The following PAH variants were observed in gnomAD, a reference collection of about 807,000 sequenced individuals.
PAH encodes the protein phenylalanine-4-hydroxylase.
In PAH, 64 loss-of-function variants were observed where a neutral mutation model predicts 62.0. The ratio of observed to expected loss-of-function variants is 1.03; its 90% CI spans 0.84 to 1.27. The LOEUF is 1.27. PAH is among the 50% of genes most tolerant of loss of function. PAH has a pLI of 0.00. For synonymous variants in PAH, 195 were observed against 196.2 expected, an observed-to-expected ratio of 0.99 and a Z score of 0.05; for missense variants, 579 against 542.8, an observed-to-expected ratio of 1.07 and a Z score of -0.66.
chr12:102,900,439 G>T (rs1877706923), intron 2 of PAH, among the ~76,000 whole-genome samples: 1 of 151,864 alleles, frequency 6.6e-6, no homozygotes. Flanking sequence ...ATAGATATAG[G>T]TATGGGATTA....
intron 3 of PAH, among the ~76,000 whole-genome samples, chr12:102,882,273 T>G (rs891672362): frequency 6.6e-6 from 1 of 152,138 alleles, no homozygotes; most frequent in Admixed American, 6.5e-5. Context: ...TAGTCCAGAG[T>G]TGGTTTCCTA....
At chr12:102,933,750 A>C (rs1027713342) in intron 1 of PAH, among the ~76,000 whole-genome samples, 1 of 152,074 alleles carries the variant, frequency 6.6e-6, no homozygotes, top group African/African-American at 2.4e-5. Flanking sequence ...TTTTCTTTTC[A>C]CAATGCTTAT....
intron 1 of PAH, among the ~76,000 whole-genome samples, chr12:102,931,230 G>C (rs948675286): frequency 1.3e-5 from 2 of 151,940 alleles, no homozygotes; most frequent in Admixed American, 6.6e-5. Context: ...TCCTTAAATA[G>C]AGCCCCAAAG....
upstream of PAH, chr12:102,953,524 A>C (rs145329998): frequency 5.9e-5 from 9 of 152,338 alleles, no homozygotes; most frequent in African/African-American, 2.2e-4. Flanking sequence ...AGGTGGCAGG[A>C]GACTCAGGGC....
chr12:102,855,421 A>T (rs1875382416), intron 5 of PAH, 89 bp from the exon 6 acceptor site: 1 of 971,990 alleles, frequency 1.0e-6, no homozygotes, highest in Non-Finnish European at 1.6e-6. Flanking sequence ...CGGGGACCAG[A>T]ACCTGTGAGC....
chr12:102,885,548 T>A (rs1877001357), intron 3 of PAH, among the ~76,000 whole-genome samples: 2 of 152,124 alleles, frequency 1.3e-5, no homozygotes, highest in Admixed American at 6.5e-5. Context: ...TAAATATTGA[T>A]TTGGCTCCAA....
At chr12:102,947,317 C>A (rs1183051414) in intron 1 of PAH, among the ~76,000 whole-genome samples, 2 of 151,928 alleles carry the variant, frequency 1.3e-5, no homozygotes, top group Non-Finnish European at 2.9e-5. Context: ...TGGTGCTAAA[C>A]CCTGAAATAT....
At chr12:102,905,666 T>C (rs1363223529) in intron 2 of PAH, among the ~76,000 whole-genome samples, 3 of 152,054 alleles carry the variant, frequency 2.0e-5, no homozygotes, top group African/African-American at 7.2e-5. Context: ...CAGTATGGCA[T>C]CGCTGACTCC....
At chr12:102,854,954 G>C in intron 6 of PAH, 182 bp downstream of exon 6, 1 of 676,994 alleles carries the variant, frequency 1.5e-6, no homozygotes, top group Non-Finnish European at 2.7e-6. Flanking sequence ...AAACACAGTA[G>C]GGGCTGGAGG....
chr12:102,934,011 T>A (rs1879009574), intron 1 of PAH, among the ~76,000 whole-genome samples: 1 of 152,114 alleles, frequency 6.6e-6, no homozygotes, highest in African/African-American at 2.4e-5. Context: ...CAAGAGATCT[T>A]TGCCCAGTTC....
At chr12:102,918,999 T>C (rs1444411658), upstream of PAH, among the ~76,000 whole-genome samples, 1 of 152,166 alleles carries the variant, frequency 6.6e-6, no homozygotes, top group Non-Finnish European at 1.5e-5. Context: ...ATCTACTTAT[T>C]TGCATGCACA....
intron 5 of PAH, among the ~76,000 whole-genome samples, chr12:102,866,086 A>G (rs1252044610): frequency 6.6e-6 from 1 of 151,886 alleles, no homozygotes; most frequent in Non-Finnish European, 1.5e-5. Flanking sequence ...CAGACAGGAA[A>G]AAAAAAAAAC....
chr12:102,885,315 A>G (rs1466556827), intron 3 of PAH, among the ~76,000 whole-genome samples: 2 of 152,224 alleles, frequency 1.3e-5, no homozygotes, highest in Non-Finnish European at 2.9e-5. Flanking sequence ...AGCTGGAAAT[A>G]GAGACTGACC....
chr12:102,917,200 G>T lies in PAH; in HGVS notation c.-70C>A. ...GTACAGGCAGGTTTGCAAACAGCAC[G>T]TGGGGCTGAAGGTTTTAACCTCGCA... is the stretch of plus-strand genomic sequence containing the variant. On this transcript the variant is annotated 5_prime_UTR_variant, in exon 1 of 13. Coordinates refer to ENST00000553106, the MANE Select transcript of PAH (RefSeq NM_000277.3). 7.1e-7 allele frequency: 1 copy of T among 1,399,124 alleles called. No homozygotes were observed. Among genetic ancestry groups the T allele is most frequent in the Non-Finnish European group, 1.0e-6 (1 of 985,766 alleles). 86.7% of individuals were successfully genotyped at this position (1,399,124 alleles called of 1,614,324 possible).
At chr12:102,843,134 G>C (rs1298949168) in intron 11 of PAH, among the ~76,000 whole-genome samples, 1 of 152,068 alleles carries the variant, frequency 6.6e-6, no homozygotes, top group Non-Finnish European at 1.5e-5. Context: ...AAAATAGAAA[G>C]AACAAAATTT....
At chr12:102,862,992 T>A (rs1366357247) in intron 5 of PAH, among the ~76,000 whole-genome samples, 1 of 151,356 alleles carries the variant, frequency 6.6e-6, no homozygotes, top group Non-Finnish European at 1.5e-5. Flanking sequence ...CGCGCCATTA[T>A]CGAGACTAAG....
chr12:102,846,773 C>G (rs190195083), intron 9 of PAH, 122 bp downstream of exon 9: 13 of 778,980 alleles, frequency 1.7e-5, no homozygotes, highest in Non-Finnish European at 3.0e-5. Context: ...CAAATGTAAC[C>G]CACCACATTC....
chr12:102,857,492 G>A (rs1339895896), intron 5 of PAH, among the ~76,000 whole-genome samples: 1 of 152,046 alleles, frequency 6.6e-6, no homozygotes, highest in African/African-American at 2.4e-5. Context: ...GATACTCCTC[G>A]AGAAGAGCAA....
intron 1 of PAH, among the ~76,000 whole-genome samples, chr12:102,934,122 T>C (rs1414272119): frequency 2.6e-5 from 4 of 152,074 alleles, no homozygotes; most frequent in Admixed American, 2.0e-4. Flanking sequence ...CATAGGAATG[T>C]TGGTTCATTC....
Sources: gnomAD v4.1 joint callset for allele counts (sites outside exome capture counted in the v4.1 genomes callset) on GRCh38, gnomAD v4.1.1 for gene constraint, MANE v1.5 for transcripts, NCBI Gene and HGNC (gene_info 2026-07-23, HGNC 2026-07-21) for gene names.